The following SLC9A4 variants were observed in gnomAD, a reference collection of about 807,000 sequenced individuals.
The protein encoded by SLC9A4 is sodium/hydrogen exchanger 4.
A neutral mutation model predicts 67.4 loss-of-function variants in SLC9A4; 63 were observed. That is an observed-to-expected ratio of 0.93 (90% CI 0.76 to 1.15). The LOEUF is 1.15. SLC9A4 is among the 50% of genes most tolerant of loss of function. The pLI, the probability that SLC9A4 is intolerant of heterozygous loss-of-function variation, is 0.00. For synonymous variants in SLC9A4, 393 were observed against 367.2 expected (o/e 1.07, Z -0.80); for missense variants, 1,089 against 987.7 (o/e 1.10, Z -1.38).
rs575184143 is a variant in SLC9A4 at position 102,499,061 on chromosome 2, G to T, written c.721-4387G>T. ...ACAGAAGCTGGATGGGACTGTCTTT[G>T]CTGCACTTCTTAGAGAGTTTATTAA... On this transcript the variant is annotated intron_variant, in intron 2 of 11. Coordinates refer to ENST00000295269, the MANE Select transcript of SLC9A4 (RefSeq NM_001011552.4). 3.9e-5 allele frequency among the ~76,000 whole-genome samples: 6 copies of T among 152,306 alleles called. No homozygotes were observed. In the East Asian group the frequency reaches 1.2e-3, roughly 29 times the overall value.
intron 9 of SLC9A4, among the ~76,000 whole-genome samples, chr2:102,520,817 A>C (rs1390904347): frequency 2.6e-5 from 4 of 152,242 alleles, no homozygotes; most frequent in Admixed American, 6.5e-5. Context: ...AAACAAATCC[A>C]GGTTAAGAAC....
intron 2 of SLC9A4, among the ~76,000 whole-genome samples, chr2:102,483,187 G>C (rs1275361230): frequency 2.0e-5 from 3 of 152,178 alleles, no homozygotes; most frequent in Non-Finnish European, 2.9e-5. Flanking sequence ...TGGCTCCGTG[G>C]GGTTGTCCAC....
intron 2 of SLC9A4, among the ~76,000 whole-genome samples, chr2:102,493,710 C>T (rs912675271): frequency 2.0e-5 from 3 of 151,890 alleles, no homozygotes; most frequent in Admixed American, 6.6e-5. Flanking sequence ...TATCCTTTCC[C>T]TACTCTTAGT....
chr2:102,499,590 A>C (rs141258449), intron 2 of SLC9A4, among the ~76,000 whole-genome samples: 13 of 152,152 alleles, frequency 8.5e-5, no homozygotes, highest in Non-Finnish European at 1.8e-4. Context: ...TGTCTATTGC[A>C]TGTGTCTGTA....
At chr2:102,494,453 AT>A (rs1453201092) in intron 2 of SLC9A4, among the ~76,000 whole-genome samples, 5 of 152,298 alleles carry the variant, frequency 3.3e-5, no homozygotes, top group East Asian at 3.9e-4. Flanking sequence ...AAATAAAAAA[AT>A]ATATAGTAAT....
In SLC9A4 at chr2:102,486,379, G is replaced by A. The variant is rs573841821; in HGVS notation, c.720+7077G>A. 1.2e-4 allele frequency among the ~76,000 whole-genome samples: 18 copies of A among 152,306 alleles called. No homozygotes were observed. The East Asian group carries it at 2.7e-3, about 23-fold the overall frequency. ...CATCCAAGTCCACCTGCATGAGTAC[G>A]TCTGAGCCACAGAGCTCTCCTGACA... On this transcript the variant is annotated intron_variant, in intron 2 of 11. Coordinates refer to ENST00000295269, the MANE Select transcript of SLC9A4 (RefSeq NM_001011552.4).
intron 2 of SLC9A4, among the ~76,000 whole-genome samples, chr2:102,502,838 G>A (rs1340836136): frequency 1.3e-5 from 2 of 152,262 alleles, no homozygotes; most frequent in African/African-American, 4.8e-5. Context: ...CTGCTCGGGT[G>A]GAGCCCTGGG....
intron 10 of SLC9A4, among the ~76,000 whole-genome samples, chr2:102,525,633 T>TCC (rs1674645219): frequency 6.6e-6 from 1 of 151,976 alleles, no homozygotes; most frequent in Non-Finnish European, 1.5e-5. Flanking sequence ...CTCTTCCCAT[T>TCC]GGAGGCCATA....
At chr2:102,477,431 T>C (rs1020701561) in intron 1 of SLC9A4, among the ~76,000 whole-genome samples, 3 of 152,250 alleles carry the variant, frequency 2.0e-5, no homozygotes, top group Non-Finnish European at 4.4e-5. Context: ...CATTCATTTA[T>C]ACACTCAGCA....
chr2:102,502,164 G>T (rs1277990799), intron 2 of SLC9A4, among the ~76,000 whole-genome samples: 8 of 152,120 alleles, frequency 5.3e-5, no homozygotes, highest in African/African-American at 1.7e-4. Context: ...TTCATTTTCT[G>T]CAGAGATCTT....
Position 102,532,591 on chromosome 2 carries a change from A to C in SLC9A4, c.2300A>C (p.Lys767Thr), listed in dbSNP as rs774066463. ...GAGTCTGGAGGGGAGAGTGAGGGCA[A>C]GGCCTCTTTGGTTGAGGTTCGGTCG... The part of the protein sequence containing the change: ...EGESGGESEG[K>T]ASLVEVRSRW... The change falls in exon 12 of 12, where the codon AAG becomes ACG. Residue 767 changes from lysine (K) to threonine (T), a missense_variant. Transcript: ENST00000295269. 15 of 1,613,984 alleles carry C rather than the reference A, an allele frequency of 9.3e-6. No homozygotes were observed. Among genetic ancestry groups the C allele is most frequent in the African/African-American group, 1.3e-5 (1 of 74,930 alleles).
chr2:102,474,044 G>A (rs765059235), intron 1 of SLC9A4, 29 bp downstream of exon 1: 1 of 1,603,064 alleles, frequency 6.2e-7, no homozygotes, highest in Non-Finnish European at 8.5e-7. Flanking sequence ...GGTTTGGTGA[G>A]TTATCTTTTT....
At chr2:102,525,437 T>A (rs1183938278) in intron 10 of SLC9A4, among the ~76,000 whole-genome samples, 2 of 151,322 alleles carry the variant, frequency 1.3e-5, no homozygotes, top group Non-Finnish European at 3.0e-5. Flanking sequence ...ACACAGACCT[T>A]ATGGTGACCA....
chr2:102,505,958 T>C (rs2104434860), intron 4 of SLC9A4, among the ~76,000 whole-genome samples: 1 of 152,324 alleles, frequency 6.6e-6, no homozygotes, highest in South Asian at 2.1e-4. Flanking sequence ...CAAATTGTAT[T>C]CTATGGAAGA....
At chr2:102,516,087 A>G (rs912107837) in intron 8 of SLC9A4, among the ~76,000 whole-genome samples, 1 of 152,184 alleles carries the variant, frequency 6.6e-6, no homozygotes, top group South Asian at 2.1e-4. Context: ...GTGGCAAAGC[A>G]TATTTTGAAT....
intron 1 of SLC9A4, 86 bp from the exon 2 acceptor site, chr2:102,478,753 G>A: frequency 3.0e-6 from 4 of 1,341,940 alleles, no homozygotes; most frequent in Non-Finnish European, 4.1e-6. Context: ...CTTGTCCACG[G>A]TCCTGTCTGC....
At chr2:102,476,029 C>G (rs1684323114) in intron 1 of SLC9A4, among the ~76,000 whole-genome samples, 1 of 152,164 alleles carries the variant, frequency 6.6e-6, no homozygotes, top group Non-Finnish European at 1.5e-5. Context: ...GACCATGGTC[C>G]CTGACCTCAA....
chr2:102,488,083 T>C (rs1684623891), intron 2 of SLC9A4, among the ~76,000 whole-genome samples: 1 of 152,202 alleles, frequency 6.6e-6, no homozygotes, highest in African/African-American at 2.4e-5. Context: ...AGTTGCATAA[T>C]ACATTAATAG....
intron 9 of SLC9A4, among the ~76,000 whole-genome samples, chr2:102,522,532 C>T (rs540729307): frequency 1.6e-4 from 24 of 152,126 alleles, no homozygotes; most frequent in African/African-American, 5.1e-4. Context: ...AGCCAAATGT[C>T]CAAGTGTTCC....
Sources: gnomAD v4.1 joint callset for allele counts (sites outside exome capture counted in the v4.1 genomes callset) on GRCh38, gnomAD v4.1.1 for gene constraint, MANE v1.5 for transcripts, NCBI Gene and HGNC (gene_info 2026-07-23, HGNC 2026-07-21) for gene names.